The following TRAPPC9 variants were observed in gnomAD, a reference collection of about 807,000 sequenced individuals.
The protein encoded by TRAPPC9 is trafficking protein particle complex subunit 9.
Under a neutral mutation model 124.0 loss-of-function variants are expected in TRAPPC9, and 83 were observed. That is an observed-to-expected ratio of 0.67 (90% CI 0.56 to 0.80). The LOEUF is 0.80. Ranked by LOEUF, TRAPPC9 falls within the 30% of genes least tolerant of loss-of-function variation. The probability of loss-of-function intolerance (pLI) is 0.00; values close to 1 mark genes in which losing one functional copy is unlikely to be tolerated. For missense variants in TRAPPC9, 1,302 were observed against 1,508.3 expected, an observed-to-expected ratio of 0.86 and a Z score of 2.27; for synonymous variants, 638 against 617.5, an observed-to-expected ratio of 1.03 and a Z score of -0.49.
chr8:139,952,787 G>A (rs1346466504), intron 19 of TRAPPC9, among the ~76,000 whole-genome samples: 1 of 152,222 alleles, frequency 6.6e-6, no homozygotes, highest in Non-Finnish European at 1.5e-5. Context: ...GTTCTCTACT[G>A]AGCACTTCCT....
intron 17 of TRAPPC9, among the ~76,000 whole-genome samples, chr8:140,074,989 G>A (rs1843420247): frequency 6.6e-6 from 1 of 152,246 alleles, no homozygotes; most frequent in Admixed American, 6.5e-5. Context: ...CCAGAAAAGA[G>A]ACATCACTTG....
chr8:139,884,034 C>A (rs1297503517), intron 21 of TRAPPC9, among the ~76,000 whole-genome samples: 1 of 152,178 alleles, frequency 6.6e-6, no homozygotes, highest in Non-Finnish European at 1.5e-5. Flanking sequence ...CATCTTAGGG[C>A]GGCATGGACC....
chr8:139,761,777 C>T (rs905636190), intron 21 of TRAPPC9, among the ~76,000 whole-genome samples: 4 of 151,714 alleles, frequency 2.6e-5, no homozygotes, highest in African/African-American at 4.8e-5. Context: ...TGTCCTGTCA[C>T]GGGGCAGGAC....
chr8:140,141,511 G>A (rs181455010), intron 17 of TRAPPC9, among the ~76,000 whole-genome samples: 5 of 152,218 alleles, frequency 3.3e-5, no homozygotes, highest in Admixed American at 2.0e-4. Flanking sequence ...AAGAGGGGAC[G>A]ACTGTATGTC....
rs1217253622 is a variant in TRAPPC9 at position 140,097,057 on chromosome 8, T to C, written c.2557-72978A>G. On this transcript the variant is annotated intron_variant, in intron 17 of 22. Transcript: ENST00000438773. The surrounding 1 kb of genome is among the most constrained non-coding windows in gnomAD (Gnocchi z 4.2). ...ACAATGGCACGGGGCAGGGCAAAGATGCTCACCCAGGTCTCAGGTTGCAGG... is the reference window on the plus strand; with the variant it reads ...ACAATGGCACGGGGCAGGGCAAAGACGCTCACCCAGGTCTCAGGTTGCAGG... 1 of 152,416 alleles carries C rather than the reference T, an allele frequency of 6.6e-6. No individual in the cohort carries two copies. Among genetic ancestry groups the C allele is most frequent in the African/African-American group, 2.4e-5 (1 of 41,446 alleles). 9.4% of individuals were successfully genotyped at this position (152,416 alleles called of 1,614,324 possible).
intron 17 of TRAPPC9, among the ~76,000 whole-genome samples, chr8:140,073,787 T>C (rs1843333515): frequency 6.6e-6 from 1 of 152,182 alleles, no homozygotes; most frequent in Admixed American, 6.5e-5. Context: ...TGGCTCAACG[T>C]TGATGATTAC....
chr8:139,887,503 C>T (rs553404533), intron 20 of TRAPPC9, among the ~76,000 whole-genome samples: 2 of 152,306 alleles, frequency 1.3e-5, no homozygotes, highest in South Asian at 2.1e-4. Flanking sequence ...GGATTACAGG[C>T]GTGAGCCACA....
At chr8:140,297,911 A>G (rs1202745196) in intron 11 of TRAPPC9, among the ~76,000 whole-genome samples, 2 of 152,310 alleles carry the variant, frequency 1.3e-5, no homozygotes, top group African/African-American at 4.8e-5. Flanking sequence ...TCTGTCCCAC[A>G]CCTACTGTGC....
intron 16 of TRAPPC9, among the ~76,000 whole-genome samples, chr8:140,234,393 C>T (rs1021617657): frequency 6.6e-6 from 1 of 152,202 alleles, no homozygotes; most frequent in African/African-American, 2.4e-5. Flanking sequence ...CCATGGTGGA[C>T]AGTACTGCAC....
chr8:140,284,909 G>T (rs1365734983), intron 13 of TRAPPC9, among the ~76,000 whole-genome samples: 5 of 152,146 alleles, frequency 3.3e-5, no homozygotes, highest in Admixed American at 2.6e-4. Flanking sequence ...GTCTTAAACT[G>T]GCAAACATTC....
chr8:139,875,741 T>A (rs1829278414), intron 21 of TRAPPC9, among the ~76,000 whole-genome samples: 1 of 152,158 alleles, frequency 6.6e-6, no homozygotes, highest in Non-Finnish European at 1.5e-5. Flanking sequence ...GGCTCTCAGC[T>A]CAGGCAGACC....
At chr8:140,146,420 C>G (rs554849978) in intron 17 of TRAPPC9, among the ~76,000 whole-genome samples, 51 of 152,246 alleles carry the variant, frequency 3.3e-4, no homozygotes, top group Non-Finnish European at 6.0e-4. Context: ...AACTAAATCC[C>G]ACACTCAACC....
chr8:140,272,314 GGT>G (rs2064956573), intron 15 of TRAPPC9, among the ~76,000 whole-genome samples: 4 of 149,084 alleles, frequency 2.7e-5, no homozygotes, highest in African/African-American at 5.0e-5. Flanking sequence ...TGGTTGTGGT[GGT>G]TATAGTGGTG....
At chr8:140,231,926 C>A (rs963456558) in intron 16 of TRAPPC9, among the ~76,000 whole-genome samples, 2 of 152,118 alleles carry the variant, frequency 1.3e-5, no homozygotes, top group African/African-American at 4.8e-5. Context: ...CACAACATCA[C>A]ATATTCTGTA....
intron 17 of TRAPPC9, among the ~76,000 whole-genome samples, chr8:140,123,436 G>A (rs550425349): frequency 1.3e-5 from 2 of 152,258 alleles, no homozygotes; most frequent in South Asian, 2.1e-4. Context: ...TGGCCTTGCA[G>A]AACCCAGACT....
intron 5 of TRAPPC9, among the ~76,000 whole-genome samples, chr8:140,409,532 C>G (rs1191938545): frequency 6.6e-6 from 1 of 152,138 alleles, no homozygotes; most frequent in Non-Finnish European, 1.5e-5. Flanking sequence ...ATCTGTAACT[C>G]CCAAACACTG....
At chr8:139,896,720 G>T (rs1830691424) in intron 20 of TRAPPC9, among the ~76,000 whole-genome samples, 2 of 152,226 alleles carry the variant, frequency 1.3e-5, no homozygotes, top group African/African-American at 4.8e-5. Flanking sequence ...AGATCCTGCT[G>T]TCCACAGGGC....
chr8:140,431,234 A>G (rs898572965), intron 4 of TRAPPC9, among the ~76,000 whole-genome samples: 12 of 151,932 alleles, frequency 7.9e-5, no homozygotes, highest in Non-Finnish European at 1.6e-4. Context: ...AGGCAGGCGG[A>G]TCACCTGAGG....
intron 17 of TRAPPC9, among the ~76,000 whole-genome samples, chr8:140,159,290 C>T (rs950578554): frequency 3.9e-5 from 6 of 152,232 alleles, no homozygotes; most frequent in Admixed American, 2.6e-4. Flanking sequence ...GCAGGCTCTA[C>T]GGAATCAGGA....
Sources: allele counts gnomAD v4.1 joint callset (sites outside exome capture counted in the v4.1 genomes callset), GRCh38; gene constraint gnomAD v4.1.1; non-coding constraint Gnocchi (gnomAD v3.1); transcripts MANE v1.5; gene names NCBI Gene and HGNC (gene_info 2026-07-23, HGNC 2026-07-21).